EYS: variants seen among roughly 807,000 people sequenced by gnomAD.
EYS encodes protein eyes shut homolog.
A neutral mutation model predicts 282.1 loss-of-function variants in EYS; 250 were observed. The ratio of observed to expected loss-of-function variants is 0.89; its 90% CI spans 0.80 to 0.98. The LOEUF is 0.98. EYS is among the 50% of genes least tolerant of loss of function. The probability of loss-of-function intolerance (pLI) is 0.00; values close to 1 mark genes in which losing one functional copy is unlikely to be tolerated. For synonymous variants in EYS, 1,355 were observed against 1,282.9 expected (o/e 1.06, Z -1.20); for missense variants, 4,016 against 3,709.0 (o/e 1.08, Z -2.15).
chr6:64,893,269 T>C (rs6455013), intron 18 of EYS, among the ~76,000 whole-genome samples: 115,957 of 151,928 alleles, frequency 0.76, 44,568 homozygotes, highest in South Asian at 0.8. Flanking sequence ...TCTCAGCAAA[T>C]TCATCTTTAA....
intron 31 of EYS, among the ~76,000 whole-genome samples, chr6:64,100,242 T>C (rs1326813803): frequency 6.6e-6 from 1 of 152,182 alleles, no homozygotes; most frequent in Admixed American, 6.5e-5. Context: ...CTCTGCTACA[T>C]TATTCAGGCC....
At chr6:63,737,026 T>C (rs1362843042) in intron 41 of EYS, among the ~76,000 whole-genome samples, 2 of 151,760 alleles carry the variant, frequency 1.3e-5, no homozygotes, top group African/African-American at 2.4e-5. Flanking sequence ...AATCATGTCA[T>C]CTGCAAACAG....
At chr6:63,964,263 C>G in intron 35 of EYS, among the ~76,000 whole-genome samples, 1 of 152,292 alleles carries the variant, frequency 6.6e-6, no homozygotes, top group South Asian at 2.1e-4. Context: ...TGAAGAAACC[C>G]ACTGTTTCTT....
intron 5 of EYS, among the ~76,000 whole-genome samples, chr6:65,445,959 T>C (rs1768638904): frequency 6.6e-6 from 1 of 151,826 alleles, no homozygotes. Flanking sequence ...CTACTCATAA[T>C]TTAGGAGAAA....
rs1475141283 is a variant in EYS, at chr6:65,185,301, A to G, written c.2023+110562T>C. Among the ~76,000 whole-genome samples the G allele has an allele frequency of 2.0e-5, 3 of 151,802 alleles. No individual in the cohort carries two copies. The Admixed American group carries it at 2.0e-4, about 10-fold the overall frequency. The stretch of plus-strand genomic sequence containing the variant: ...TAGAACTTTTTCAATACAAGTGTTG[A>G]CCGAATTTATGCAAGTAGAATTCAC... On this transcript the variant is annotated intron_variant, in intron 12 of 42. Transcript: ENST00000503581.
intron 1 of EYS, among the ~76,000 whole-genome samples, chr6:65,657,895 C>T (rs1767882279): frequency 1.3e-5 from 2 of 151,696 alleles, no homozygotes. Flanking sequence ...TCAAAGATAT[C>T]CCAACCTTCC....
At chr6:64,144,616 C>G (rs1325194247) in intron 31 of EYS, among the ~76,000 whole-genome samples, 3 of 152,142 alleles carry the variant, frequency 2.0e-5, no homozygotes, top group Non-Finnish European at 4.4e-5. Flanking sequence ...ACCCCGTCAG[C>G]TCTGAAGCAT....
At chr6:64,559,801 GT>G (rs1485213226) in intron 26 of EYS, among the ~76,000 whole-genome samples, 1 of 151,978 alleles carries the variant, frequency 6.6e-6, no homozygotes, top group African/African-American at 2.4e-5. Context: ...GTGCAGGTTT[GT>G]TATATAGGTA....
chr6:65,459,087 C>G (rs1255973536), intron 5 of EYS, among the ~76,000 whole-genome samples: 2 of 152,052 alleles, frequency 1.3e-5, no homozygotes, highest in Non-Finnish European at 2.9e-5. Context: ...GAGAAAAACA[C>G]TTTTGCTATG....
rs1467267940 is a variant in EYS at position 64,704,506 on chromosome 6, A to AATTATATTATAATT, written c.3444-78262_3444-78261insAATTATAATATAAT. Among the ~76,000 whole-genome samples, 9 of 21,776 alleles carry AATTATATTATAATT rather than the reference A, an allele frequency of 4.1e-4. No individual in the cohort carries two copies. The Admixed American group carries it at 4.1e-3, about 10-fold the overall frequency. 14.3% of individuals were successfully genotyped at this position (21,776 alleles called of 152,430 possible). ...ATTATAATTATAATATAATACTTAT[A>AATTATATTATAATT]ATAATATTATAATTATAATACTTAT... On this transcript the variant is annotated intron_variant, in intron 22 of 42. Coordinates refer to ENST00000503581, the MANE Select transcript of EYS (RefSeq NM_001142800.2).
intron 26 of EYS, among the ~76,000 whole-genome samples, chr6:64,545,980 C>G (rs542497218): frequency 6.6e-6 from 1 of 152,298 alleles, no homozygotes; most frequent in South Asian, 2.1e-4. Context: ...CCATCCCCAT[C>G]AAGTTAACAA....
intron 2 of EYS, among the ~76,000 whole-genome samples, chr6:65,556,916 T>C (rs1768831225): frequency 6.6e-6 from 1 of 152,108 alleles, no homozygotes; most frequent in African/African-American, 2.4e-5. Flanking sequence ...ATAATTTGGA[T>C]AATAAAAGTA....
intron 12 of EYS, among the ~76,000 whole-genome samples, chr6:65,245,515 A>G (rs1767156516): frequency 6.6e-6 from 1 of 152,158 alleles, no homozygotes. Flanking sequence ...CTGACTTCAA[A>G]AAAAGGCTGC....
At chr6:64,191,203 T>A (rs1472332404) in intron 31 of EYS, among the ~76,000 whole-genome samples, 2 of 152,170 alleles carry the variant, frequency 1.3e-5, no homozygotes, top group Non-Finnish European at 2.9e-5. Flanking sequence ...GTCTCATTTA[T>A]CTTTTTTAAA....
intron 12 of EYS, among the ~76,000 whole-genome samples, chr6:65,286,425 G>A (rs1768367078): frequency 6.6e-6 from 1 of 151,636 alleles, no homozygotes; most frequent in Non-Finnish European, 1.5e-5. Flanking sequence ...ACAGGCAAAA[G>A]TCATTGACTA....
intron 22 of EYS, among the ~76,000 whole-genome samples, chr6:64,772,394 A>G (rs1773551917): frequency 6.6e-6 from 1 of 151,744 alleles, no homozygotes; most frequent in Admixed American, 6.6e-5. Flanking sequence ...GTTTTTGTAT[A>G]CATTTATGGG....
chr6:64,066,567 T>A, intron 32 of EYS, 76 bp from the exon 33 acceptor site: 1 of 1,066,544 alleles, frequency 9.4e-7, no homozygotes, highest in African/African-American at 1.6e-5. Context: ...AAACACAATC[T>A]TTGCCATCAA....
intron 30 of EYS, among the ~76,000 whole-genome samples, chr6:64,286,798 T>C (rs1407540710): frequency 3.9e-5 from 6 of 152,184 alleles, no homozygotes; most frequent in African/African-American, 1.2e-4. Context: ...TTTGACATTG[T>C]TAATATTTTC....
chr6:64,430,440 G>A (rs1479492461), intron 28 of EYS, among the ~76,000 whole-genome samples: 1 of 152,092 alleles, frequency 6.6e-6, no homozygotes, highest in Non-Finnish European at 1.5e-5. Flanking sequence ...TTTTGATGAA[G>A]TTATAATTAT....
Sources: allele counts gnomAD v4.1 joint callset (sites outside exome capture counted in the v4.1 genomes callset), GRCh38; gene constraint gnomAD v4.1.1; transcripts MANE v1.5; gene names NCBI Gene and HGNC (gene_info 2026-07-23, HGNC 2026-07-21).